Variants in AGAP1 observed in about 807,000 individuals in gnomAD.
The protein encoded by AGAP1 is arf-GAP with GTPase, ANK repeat and PH domain-containing protein 1.
Under a neutral mutation model 105.3 loss-of-function variants are expected in AGAP1, and 29 were observed. The ratio of observed to expected loss-of-function variants is 0.28; its 90% CI spans 0.21 to 0.38. AGAP1 has a LOEUF of 0.38. Among genes scored for constraint, AGAP1 ranks in the 10% least tolerant of loss-of-function variants. AGAP1 has a pLI of 1.00. For missense variants in AGAP1, 998 were observed against 1,165.1 expected (o/e 0.86, Z 2.09); for synonymous variants, 509 against 485.9 (o/e 1.05, Z -0.63).
chr2:235,711,915 G>A (rs1950877734), intron 2 of AGAP1, among the ~76,000 whole-genome samples: 1 of 152,092 alleles, frequency 6.6e-6, no homozygotes, highest in African/African-American at 2.4e-5. Context: ...CCTCCAATAG[G>A]CCCTTTATGT....
chr2:235,702,911 G>T (rs1184284115), intron 1 of AGAP1, among the ~76,000 whole-genome samples: 1 of 110,088 alleles, frequency 9.1e-6, no homozygotes, highest in Non-Finnish European at 2.0e-5. Flanking sequence ...GGAGTTAGTG[G>T]TCACTGTGAG....
intron 16 of AGAP1, among the ~76,000 whole-genome samples, chr2:236,065,140 T>G (rs781691370): frequency 6.6e-6 from 1 of 152,242 alleles, no homozygotes; most frequent in Admixed American, 6.5e-5. Context: ...CGTGCTGCCT[T>G]CATCACGGGC....
At position 235,867,855 on chromosome 2, in the gene AGAP1, A is replaced by G. The variant is rs531225102; in HGVS notation, c.1051-15490A>G. 7.0e-4 allele frequency among the ~76,000 whole-genome samples: 107 copies of G among 152,254 alleles called. No homozygotes were observed. Among genetic ancestry groups the G allele is most frequent in the Admixed American group, 2.3e-3 (35 of 15,300 alleles). The stretch of plus-strand genomic sequence containing the variant: ...GACCCGTGTGCTTCTCCAGTTTCCA[A>G]TGATGACATTCCATCCACCCACCAC... On this transcript the variant is annotated intron_variant, in intron 9 of 17. Transcript: ENST00000304032. The surrounding 1 kb of genome is among the most constrained non-coding windows in gnomAD (Gnocchi z 5.4).
At chr2:236,112,085 C>T (rs879328680) in intron 16 of AGAP1, among the ~76,000 whole-genome samples, 1 of 152,108 alleles carries the variant, frequency 6.6e-6, no homozygotes, top group Admixed American at 6.5e-5. Flanking sequence ...TGATGATTCG[C>T]CCCCACCCTG....
chr2:235,528,772 G>A (rs1942942183), intron 1 of AGAP1, among the ~76,000 whole-genome samples: 1 of 152,146 alleles, frequency 6.6e-6, no homozygotes, highest in Non-Finnish European at 1.5e-5. Flanking sequence ...CGCCTCCCGG[G>A]TTGCAAGCAA....
At chr2:235,909,620 CACAG>C (rs955763963) in intron 11 of AGAP1, among the ~76,000 whole-genome samples, 2 of 152,216 alleles carry the variant, frequency 1.3e-5, no homozygotes, top group African/African-American at 4.8e-5. Context: ...TAAACACACA[CACAG>C]AGTCAGGCTC....
intron 6 of AGAP1, among the ~76,000 whole-genome samples, chr2:235,783,742 G>T (rs970869706): frequency 6.6e-6 from 1 of 152,132 alleles, no homozygotes; most frequent in Non-Finnish European, 1.5e-5. Flanking sequence ...GTTGGGGTTG[G>T]GGGTGGCCCA....
In AGAP1 at chr2:235,747,021, T is replaced by G. The variant is rs1051441612; in HGVS notation, c.538+2182T>G. Among the ~76,000 whole-genome samples the G allele has an allele frequency of 1.3e-5, 2 of 152,060 alleles. No individual in the cohort carries two copies. Among genetic ancestry groups the G allele is most frequent in the South Asian group, 4.1e-4 (2 of 4,822 alleles). On this transcript the variant is annotated intron_variant, in intron 5 of 17. Coordinates refer to ENST00000304032, the MANE Select transcript of AGAP1 (RefSeq NM_001037131.3). This position sits in a 1 kb window ranked among gnomAD's most constrained non-coding sequence, Gnocchi z 5.0. ...GTGACCTTGACACCTGGGACTTTGG[T>G]GGGGTTCAACAGGAATTCCCAGAAG...
chr2:235,896,379 G>A (rs1350232787), intron 10 of AGAP1, among the ~76,000 whole-genome samples: 1 of 152,174 alleles, frequency 6.6e-6, no homozygotes, highest in African/African-American at 2.4e-5. Flanking sequence ...GGCCACTGTG[G>A]ACAATGCTGC....
At position 236,001,321 on chromosome 2, in the gene AGAP1, G is replaced by C. The variant is rs1027713626; in HGVS notation, c.1645+32698G>C. 6.6e-6 allele frequency among the ~76,000 whole-genome samples: 1 copy of C among 152,198 alleles called. No homozygotes were observed. Among genetic ancestry groups the C allele is most frequent in the African/African-American group, 2.4e-5 (1 of 41,442 alleles). On this transcript the variant is annotated intron_variant, in intron 13 of 17. Transcript: ENST00000304032. This position sits in a 1 kb window ranked among gnomAD's most constrained non-coding sequence, Gnocchi z 4.7. ...AGGAAACGCATTTTTGTGGTTTCAC[G>C]CCACCCAGCGTGCGGTGCATTGTGG... is the stretch of plus-strand genomic sequence containing the variant.
At chr2:236,029,666 A>G (rs2057166574) in intron 13 of AGAP1, among the ~76,000 whole-genome samples, 1 of 151,728 alleles carries the variant, frequency 6.6e-6, no homozygotes, top group African/African-American at 2.4e-5. Flanking sequence ...AGAAAAATAT[A>G]TTTTGTTCTT....
chr2:235,537,620 G>A (rs1943283944), intron 1 of AGAP1, among the ~76,000 whole-genome samples: 1 of 152,190 alleles, frequency 6.6e-6, no homozygotes, highest in South Asian at 2.1e-4. Flanking sequence ...AAAATGATCT[G>A]TTTGTTTCTT....
At chr2:235,502,110 C>T (rs984304236) in intron 1 of AGAP1, among the ~76,000 whole-genome samples, 3 of 152,026 alleles carry the variant, frequency 2.0e-5, no homozygotes, top group Non-Finnish European at 4.4e-5. Context: ...TGTGGGCTGT[C>T]TTTCCCAAGA....
intron 1 of AGAP1, chr2:235,524,533 C>A (rs1040893976): frequency 6.9e-5 from 23 of 334,456 alleles, no homozygotes; most frequent in Non-Finnish European, 1.4e-4. Flanking sequence ...GCACCCAGCC[C>A]CCATGGGTAA....
chr2:235,831,983 G>C (rs994650858), intron 9 of AGAP1, among the ~76,000 whole-genome samples: 15 of 152,322 alleles, frequency 9.8e-5, no homozygotes, highest in Middle Eastern at 3.4e-3. Flanking sequence ...GGTGTTGTCA[G>C]TGTTAGACTT....
chr2:235,537,861 A>G (rs1943293038), intron 1 of AGAP1, among the ~76,000 whole-genome samples: 1 of 151,978 alleles, frequency 6.6e-6, no homozygotes, highest in Non-Finnish European at 1.5e-5. Context: ...TCTGCACGGC[A>G]TTAAGTCAGC....
At position 235,635,929 on chromosome 2, in the gene AGAP1, A is replaced by G. The variant is rs1047714740; in HGVS notation, c.164-73250A>G. ...GGAGTTCAACACCAGCCTGGCCAAC[A>G]TGGTGAAACCCCGTCTCTACTAAAA... is the stretch of plus-strand genomic sequence containing the variant. On this transcript the variant is annotated intron_variant, in intron 1 of 17. Coordinates refer to ENST00000304032, the MANE Select transcript of AGAP1 (RefSeq NM_001037131.3). This position sits in a 1 kb window ranked among gnomAD's most constrained non-coding sequence, Gnocchi z 5.3. Among the ~76,000 whole-genome samples the G allele has an allele frequency of 6.6e-6, 1 of 151,962 alleles. No homozygotes were observed. The highest frequency in any genetic ancestry group is 6.6e-5 in the Admixed American group (1 of 15,254).
At chr2:235,501,470 G>A (rs1559204780) in intron 1 of AGAP1, among the ~76,000 whole-genome samples, 1 of 152,166 alleles carries the variant, frequency 6.6e-6, no homozygotes, top group African/African-American at 2.4e-5. Context: ...GGAGCTAGAT[G>A]TTACTAGTAG....
chr2:236,099,403 C>A (rs867764103), intron 16 of AGAP1, among the ~76,000 whole-genome samples: 18 of 150,516 alleles, frequency 1.2e-4, no homozygotes, highest in Middle Eastern at 6.9e-3. Context: ...TGCGGTGAGC[C>A]GAGATCACAC....
Sources: gnomAD v4.1 joint callset for allele counts (sites outside exome capture counted in the v4.1 genomes callset) on GRCh38, gnomAD v4.1.1 for gene constraint, Gnocchi (gnomAD v3.1) non-coding constraint, MANE v1.5 for transcripts, NCBI Gene and HGNC (gene_info 2026-07-23, HGNC 2026-07-21) for gene names.